Variants in POP1 observed in about 807,000 individuals in gnomAD.
The protein encoded by POP1 is POP1 ribonuclease P/MRP subunit.
POP1 carries 75 observed loss-of-function variants against 102.2 expected under a neutral mutation model. That is an observed-to-expected ratio of 0.73 (90% CI 0.61 to 0.89). The LOEUF is 0.89. Among genes scored for constraint, POP1 ranks in the 40% least tolerant of loss-of-function variants. The probability of loss-of-function intolerance (pLI) is 0.00; values close to 1 mark genes in which losing one functional copy is unlikely to be tolerated. For synonymous variants in POP1, 436 were observed against 464.1 expected (o/e 0.94, Z 0.78); for missense variants, 1,116 against 1,267.4 (o/e 0.88, Z 1.81).
chr8:98,144,583 T>C (rs150696657), intron 11 of POP1, among the ~76,000 whole-genome samples: 1 of 152,168 alleles, frequency 6.6e-6, no homozygotes, highest in Admixed American at 6.5e-5. Flanking sequence ...ACCTATCTAT[T>C]ATTATCTTTT....
Position 98,128,495 on chromosome 8 carries a change from C to T in POP1, c.441C>T (p.Asn147=), listed in dbSNP as rs370950344. ...TGCGACGAAGAGCCATGAGCCACAA[C>T]GTCAAACGCCTTCCCAGACGGTTAC... ...RHMRRRAMSH[N]VKRLPRRLQE... Residue 147 remains asparagine (N), a synonymous_variant, in exon 4 of 16, where the codon AAC becomes AAT. Coordinates refer to ENST00000401707, the MANE Select transcript of POP1 (RefSeq NM_001145860.2). 7.2e-5 allele frequency: 117 copies of T among 1,613,982 alleles called. 1 individual carries two copies. Among genetic ancestry groups the T allele is most frequent in the East Asian group, 1.8e-4 (8 of 44,882 alleles).
chr8:98,151,828 C>T (rs1400361479), intron 14 of POP1, among the ~76,000 whole-genome samples: 3 of 151,204 alleles, frequency 2.0e-5, no homozygotes, highest in East Asian at 1.9e-4. Context: ...CCACAGCCTC[C>T]ACCTCCCGGA....
Position 98,129,960 on chromosome 8 carries a change from C to T in POP1, c.487-18C>T, listed in dbSNP as rs751428029. The T allele has an allele frequency of 6.2e-6, 10 of 1,613,348 alleles. No individual in the cohort carries two copies. The Admixed American group carries it at 8.3e-5, about 13-fold the overall frequency. ...GATTCTTACAAACTGGGATATGTCC[C>T]TCTACTTGAAACTATAGGCGGAGAA... On this transcript the variant is annotated intron_variant, in intron 4 of 15. Transcript: ENST00000401707.
In POP1 at chr8:98,123,441, A is replaced by G; in HGVS notation, c.104A>G (p.His35Arg). The G allele has an allele frequency of 6.2e-7, 1 of 1,614,100 alleles. No individual in the cohort carries two copies. Among genetic ancestry groups the G allele is most frequent in the Non-Finnish European group, 8.5e-7 (1 of 1,179,970 alleles). The change falls in exon 2 of 16, where the codon CAC becomes CGC. Residue 35 changes from histidine (H) to arginine (R), a missense_variant. Physicochemically the swap from His to Arg is conservative, Grantham distance 29. Coordinates refer to ENST00000401707, the MANE Select transcript of POP1 (RefSeq NM_001145860.2). ...GTGGCTGACAGAGGTGTAAAGCACC[A>G]CAGTGGAGGTGAAAAACCTTTCCAA... ...GFVADRGVKHHSGGEKPFQAQ... is the reference protein window; with the variant it reads ...GFVADRGVKHRSGGEKPFQAQ...
chr8:98,151,642 T>C (rs17184921), intron 14 of POP1, among the ~76,000 whole-genome samples: 19,293 of 152,076 alleles, frequency 0.13, 1,325 homozygotes, highest in Middle Eastern at 0.26. Context: ...TGGTTGAATA[T>C]TGTAGTTCCT....
chr8:98,144,555 G>T (rs765555056), intron 11 of POP1, among the ~76,000 whole-genome samples: 4 of 152,074 alleles, frequency 2.6e-5, no homozygotes, highest in Non-Finnish European at 4.4e-5. Flanking sequence ...GATTACAGGC[G>T]TGAGCCACTT....
chr8:98,147,966 G>C (rs144382528), intron 12 of POP1, among the ~76,000 whole-genome samples: 1 of 152,172 alleles, frequency 6.6e-6, no homozygotes, highest in Non-Finnish European at 1.5e-5. Flanking sequence ...GTGAATTGTG[G>C]TGTCATTCAG....
Position 98,127,898 on chromosome 8 carries a change from C to T in POP1, c.310+136C>T, listed in dbSNP as rs562182259. On this transcript the variant is annotated intron_variant, in intron 3 of 15. Coordinates refer to ENST00000401707, the MANE Select transcript of POP1 (RefSeq NM_001145860.2). Reference sequence around the variant, plus strand: ...TCCTCCTCCTACTTTAGACCCTTCTCGCCTCTAGCCTGGACTTTGGCCAGA... The same window carrying T: ...TCCTCCTCCTACTTTAGACCCTTCTTGCCTCTAGCCTGGACTTTGGCCAGA... 311 of 903,802 alleles carry T rather than the reference C, an allele frequency of 3.4e-4. 3 individuals carry two copies. The South Asian group carries it at 4.5e-3, about 13-fold the overall frequency. The allele number at this position is 903,802 out of a possible 1,614,324, so 56.0% of individuals were successfully genotyped here. A position where few individuals can be genotyped will look rare whatever the true frequency, so the allele number is the denominator to read the frequency against.
Position 98,128,991 on chromosome 8 carries a change from A to G in POP1, c.486+451A>G, listed in dbSNP as rs1816297360. On this transcript the variant is annotated intron_variant, in intron 4 of 15. Transcript: ENST00000401707. Reference sequence around the variant, plus strand: ...TTTTTGTTTTGCATATATTTGATTTAATCATTATCCAAACTTCTTCCCTTC... The same window carrying G: ...TTTTTGTTTTGCATATATTTGATTTGATCATTATCCAAACTTCTTCCCTTC... 4.6e-5 allele frequency among the ~76,000 whole-genome samples: 7 copies of G among 152,100 alleles called. No individual in the cohort carries two copies. In the South Asian group the frequency reaches 1.5e-3, roughly 32 times the overall value.
At chr8:98,128,264 T>A (rs569363269) in intron 3 of POP1, 101 bp from the exon 4 acceptor site, 1 of 1,147,304 alleles carries the variant, frequency 8.7e-7, no homozygotes, top group East Asian at 2.5e-5. Context: ...TCTTTACGCC[T>A]TCTTGGTGGA....
Position 98,158,325 on chromosome 8 carries a change from A to G in POP1, c.*54A>G. ...GATAATACGTTATTATTGTCTGCCA[A>G]GTTCTACATGTGGAGAATCTGCTTC... is the stretch of plus-strand genomic sequence containing the variant. On this transcript the variant is annotated 3_prime_UTR_variant, in exon 16 of 16. Coordinates refer to ENST00000401707, the MANE Select transcript of POP1 (RefSeq NM_001145860.2). 2 of 1,577,910 alleles carry G rather than the reference A, an allele frequency of 1.3e-6. No individual in the cohort carries two copies. The highest frequency in any genetic ancestry group is 1.7e-6 in the Non-Finnish European group (2 of 1,161,664).
chr8:98,129,511 T>C (rs1186949366), intron 4 of POP1, among the ~76,000 whole-genome samples: 2 of 152,254 alleles, frequency 1.3e-5, no homozygotes, highest in East Asian at 3.8e-4. Flanking sequence ...TCAGCATGTG[T>C]ATGTCTGTAG....
In POP1 at chr8:98,130,107, A is replaced by T. The variant is rs187528841; in HGVS notation, c.616A>T (p.Ile206Phe). The T allele has an allele frequency of 6.2e-7, 1 of 1,614,220 alleles. No individual in the cohort carries two copies. Among genetic ancestry groups the T allele is most frequent in the East Asian group, 2.2e-5 (1 of 44,882 alleles). ...QKKNIWLETH[I>F]WHAKRFHMVK... Reference sequence around the variant, plus strand: ...GAAGAACATTTGGTTAGAAACTCACATCTGGCACGCCAAGCGGTTTCATAT... The same window carrying T: ...GAAGAACATTTGGTTAGAAACTCACTTCTGGCACGCCAAGCGGTTTCATAT... The change falls in exon 5 of 16, where the codon ATC (isoleucine) becomes TTC (phenylalanine). Residue 206 changes from isoleucine (I) to phenylalanine (F), a missense_variant. Ile to Phe is a conservative substitution (Grantham distance 21). Transcript: ENST00000401707.
intron 4 of POP1, 87 bp from the exon 5 acceptor site, chr8:98,129,886 TTAATC>T: frequency 7.0e-7 from 1 of 1,425,660 alleles, no homozygotes; most frequent in Non-Finnish European, 9.8e-7. Context: ...AATATTCCAC[TTAATC>T]TAAAGTTATT....
Position 98,157,726 on chromosome 8 carries a change from G to C in POP1, c.2530G>C (p.Ala844Pro), listed in dbSNP as rs774510819. The change falls in exon 16 of 16, where the codon GCT becomes CCT. Residue 844 changes from alanine to proline, a missense_variant. Ala to Pro is a conservative substitution (Grantham distance 27). Transcript: ENST00000401707. Reference sequence around the variant, plus strand: ...AGGCCAGCAAGGATTGACCAGAGAGGCTTGCCTGTCCATCTTGGGCCACTT... The same window carrying C: ...AGGCCAGCAAGGATTGACCAGAGAGCCTTGCCTGTCCATCTTGGGCCACTT... Reference protein sequence around the residue: ...GRGQQGLTREACLSILGHFPR... With the variant: ...GRGQQGLTREPCLSILGHFPR... 3.7e-6 allele frequency: 6 copies of C among 1,614,200 alleles called. No homozygotes were observed. The highest frequency in any genetic ancestry group is 4.2e-6 in the Non-Finnish European group (5 of 1,180,046).
At position 98,140,898 on chromosome 8, in the gene POP1, CA is replaced by C. The variant is rs1563779325; in HGVS notation, c.1594+15del. On this transcript the variant is annotated intron_variant, in intron 11 of 15. Transcript: ENST00000401707. ...CCAGAAAAATGCCAAGGTAAAGTTCCAAAAACACCCCAGGTTTTCCTTACTA... is the reference window on the plus strand; with the variant it reads ...CCAGAAAAATGCCAAGGTAAAGTTCCAAAACACCCCAGGTTTTCCTTACTA... 24 of 1,612,416 alleles carry C rather than the reference CA, an allele frequency of 1.5e-5. No homozygotes were observed. The highest frequency in any genetic ancestry group is 1.9e-5 in the Non-Finnish European group (22 of 1,178,694).
At position 98,134,961 on chromosome 8, in the gene POP1, C is replaced by G. The variant is rs576476910; in HGVS notation, c.1011+302C>G. Among the ~76,000 whole-genome samples, 785 of 152,148 alleles carry G rather than the reference C, an allele frequency of 5.2e-3. 5 individuals are homozygous for G. Among genetic ancestry groups the G allele is most frequent in the Non-Finnish European group, 8.8e-3 (601 of 67,990 alleles). Reference sequence around the variant, plus strand: ...TCACCACCCATGCTGTACATTATATCCCCGGAACTTGTTTATCAAATATAA... The same window carrying G: ...TCACCACCCATGCTGTACATTATATGCCCGGAACTTGTTTATCAAATATAA... On this transcript the variant is annotated intron_variant, in intron 7 of 15. Coordinates refer to ENST00000401707, the MANE Select transcript of POP1 (RefSeq NM_001145860.2).
rs1809695797 is a variant in POP1 at position 98,157,837 on chromosome 8, G to A, written c.2641G>A (p.Glu881Lys). 1.2e-6 allele frequency: 2 copies of A among 1,614,046 alleles called. No homozygotes were observed. The highest frequency in any genetic ancestry group is 1.7e-6 in the Non-Finnish European group (2 of 1,179,988). Residue 881 changes from glutamate to lysine, a missense_variant, in exon 16 of 16, where the codon GAG (glutamate) becomes AAG (lysine). Glu to Lys is a moderately conservative substitution (Grantham distance 56, BLOSUM62 1). Transcript: ENST00000401707. The part of the protein sequence containing the change: ...PHTMICVPAK[E>K]DFLQLHEDWH... ...CACCATGATCTGTGTCCCAGCCAAG[G>A]AGGACTTCCTCCAGCTCCATGAGGA...
intron 1 of POP1, among the ~76,000 whole-genome samples, chr8:98,121,831 C>T (rs575676123): frequency 2.0e-5 from 3 of 151,642 alleles, no homozygotes; most frequent in South Asian, 4.2e-4. Context: ...TACAGGCGCC[C>T]GCCACCATGC....
Sources: gnomAD v4.1 joint callset for allele counts (sites outside exome capture counted in the v4.1 genomes callset) on GRCh38, gnomAD v4.1.1 for gene constraint, MANE v1.5 for transcripts, NCBI Gene and HGNC (gene_info 2026-07-23, HGNC 2026-07-21) for gene names.